The following CACNG2 variants were observed in gnomAD, a reference collection of about 807,000 sequenced individuals.
CACNG2 encodes the protein voltage-dependent calcium channel gamma-2 subunit.
Under a neutral mutation model 25.9 loss-of-function variants are expected in CACNG2, and 3 were observed. The observed-to-expected ratio is 0.12, with a 90% CI of 0.05 to 0.30. The LOEUF is 0.30. CACNG2 is among the 10% of genes least tolerant of loss of function. The pLI, the probability that CACNG2 is intolerant of heterozygous loss-of-function variation, is 1.00. For synonymous variants in CACNG2, 167 were observed against 173.3 expected, an observed-to-expected ratio of 0.96 and a Z score of 0.29; for missense variants, 341 against 432.5, an observed-to-expected ratio of 0.79 and a Z score of 1.88.
In CACNG2 at chr22:36,561,535, C is replaced by T. The variant is rs1186230856; in HGVS notation, c.*2816G>A. ...TTGCTGACCTGGGAAAATAACTTTC[C>T]TTTCCCAGGCAAAAGACAGGAAAGG... On this transcript the variant is annotated 3_prime_UTR_variant, in exon 4 of 4. Coordinates refer to ENST00000300105, the MANE Select transcript of CACNG2 (RefSeq NM_006078.5). 3 of 152,282 alleles carry T rather than the reference C, an allele frequency of 2.0e-5. No individual in the cohort carries two copies. Among genetic ancestry groups the T allele is most frequent in the Non-Finnish European group, 4.4e-5 (3 of 68,088 alleles). The allele number at this position is 152,282 out of a possible 1,614,324, so 9.4% of individuals were successfully genotyped here.
intron 1 of CACNG2, among the ~76,000 whole-genome samples, chr22:36,611,734 C>T (rs141844220): frequency 6.6e-6 from 1 of 152,192 alleles, no homozygotes; most frequent in Non-Finnish European, 1.5e-5. Context: ...GGCTGTTGTT[C>T]TAGCACTGTG....
At chr22:36,631,109 G>A (rs1201448111) in intron 1 of CACNG2, among the ~76,000 whole-genome samples, 1 of 152,148 alleles carries the variant, frequency 6.6e-6, no homozygotes, top group Non-Finnish European at 1.5e-5. Context: ...GATTACAGGC[G>A]TGAGCCACCG....
intron 2 of CACNG2, among the ~76,000 whole-genome samples, chr22:36,569,664 C>T (rs1053273387): frequency 1.3e-5 from 2 of 152,210 alleles, no homozygotes; most frequent in African/African-American, 2.4e-5. Context: ...CTCAGCCTCC[C>T]AAGTAGCTGG....
chr22:36,656,992 T>C (rs1473702659), intron 1 of CACNG2, among the ~76,000 whole-genome samples: 1 of 152,236 alleles, frequency 6.6e-6, no homozygotes, highest in East Asian at 1.9e-4. Context: ...TCAGGACTTT[T>C]GTTTGCTCTG....
At chr22:36,690,725 T>C (rs988031790) in intron 1 of CACNG2, among the ~76,000 whole-genome samples, 6 of 152,212 alleles carry the variant, frequency 3.9e-5, no homozygotes, top group Non-Finnish European at 8.8e-5. Flanking sequence ...AGATGTGAGC[T>C]GACATGAACT....
chr22:36,629,864 A>C (rs1936241368), intron 1 of CACNG2, among the ~76,000 whole-genome samples: 1 of 152,182 alleles, frequency 6.6e-6, no homozygotes, highest in Non-Finnish European at 1.5e-5. Context: ...ATCCACAAAG[A>C]AGAGGCTTTC....
intron 1 of CACNG2, among the ~76,000 whole-genome samples, chr22:36,603,208 C>T (rs1016338126): frequency 1.3e-5 from 2 of 152,238 alleles, no homozygotes; most frequent in Non-Finnish European, 2.9e-5. Context: ...CCAGACACAA[C>T]ATTCCCTTAA....
At chr22:36,602,558 G>A (rs549799719) in intron 1 of CACNG2, among the ~76,000 whole-genome samples, 1 of 151,124 alleles carries the variant, frequency 6.6e-6, no homozygotes, top group South Asian at 2.1e-4. Flanking sequence ...GCTAATTTTT[G>A]TATTTTTAGT....
intron 1 of CACNG2, among the ~76,000 whole-genome samples, chr22:36,679,171 TTCCTTCCTTCCTTCCTTCCTTCCTTC>T (rs1937055752): frequency 8.2e-6 from 1 of 122,670 alleles, no homozygotes; most frequent in African/African-American, 3.3e-5. Context: ...CCTTCCTTCC[TTCCTTCCTTCCTTCCTTCCTTCCTTC>T]CTTTCTTTCT....
At chr22:36,687,687 C>T (rs888419212) in intron 1 of CACNG2, among the ~76,000 whole-genome samples, 1 of 152,130 alleles carries the variant, frequency 6.6e-6, no homozygotes, top group African/African-American at 2.4e-5. Flanking sequence ...TGCTAATCAG[C>T]GGACTGTAAG....
In CACNG2 at chr22:36,702,519, C is replaced by A; in HGVS notation, c.58G>T (p.Ala20Ser). ...ACAGCTATGGTCATCAGGCTGAAGG[C>A]AGCGAAAGCACCAACGGTGGTTAAA... The part of the protein sequence containing the change: ...MLLTTVGAFA[A>S]FSLMTIAVGT... Residue 20 changes from alanine to serine, a missense_variant, in exon 1 of 4, where the codon GCC (alanine) becomes TCC (serine). By Grantham distance (99) the Ala-to-Ser change is moderately conservative. Coordinates refer to ENST00000300105, the MANE Select transcript of CACNG2 (RefSeq NM_006078.5). 2 of 1,614,118 alleles carry A rather than the reference C, an allele frequency of 1.2e-6. No homozygotes were observed. Among genetic ancestry groups the A allele is most frequent in the Non-Finnish European group, 1.7e-6 (2 of 1,179,988 alleles).
At chr22:36,595,203 C>T (rs948384101) in intron 1 of CACNG2, among the ~76,000 whole-genome samples, 1 of 151,910 alleles carries the variant, frequency 6.6e-6, no homozygotes, top group Non-Finnish European at 1.5e-5. Flanking sequence ...CAAGAGCAGT[C>T]AGGATAGTGC....
rs368444596 is a variant in CACNG2 at position 36,683,107 on chromosome 22, C to T, written c.211+19259G>A. Reference sequence around the variant, plus strand: ...CTCTCAGCGCTTCCTTTGCAGCATCCTGTCTTTCTTTCCTGGCATCTCATT... The same window carrying T: ...CTCTCAGCGCTTCCTTTGCAGCATCTTGTCTTTCTTTCCTGGCATCTCATT... On this transcript the variant is annotated intron_variant, in intron 1 of 3. Coordinates refer to ENST00000300105, the MANE Select transcript of CACNG2 (RefSeq NM_006078.5). Among the ~76,000 whole-genome samples the T allele has an allele frequency of 5.8e-4, 88 of 152,336 alleles. 1 individual carries two copies. Among genetic ancestry groups the T allele is most frequent in the African/African-American group, 2.0e-3 (85 of 41,582 alleles).
intron 2 of CACNG2, among the ~76,000 whole-genome samples, chr22:36,570,143 C>T (rs1204797375): frequency 2.0e-5 from 3 of 152,214 alleles, no homozygotes; most frequent in Non-Finnish European, 1.5e-5. Context: ...TGTGGGAACC[C>T]GGATGCCCCA....
At chr22:36,666,540 AT>A (rs1218626662) in intron 1 of CACNG2, among the ~76,000 whole-genome samples, 1 of 152,160 alleles carries the variant, frequency 6.6e-6, no homozygotes, top group African/African-American at 2.4e-5. Flanking sequence ...ATGAGGAGTC[AT>A]TGTTTGCTTG....
chr22:36,655,617 AAATGAGGCTATCAATGGGTGCAG>A, intron 1 of CACNG2, among the ~76,000 whole-genome samples: 1 of 152,314 alleles, frequency 6.6e-6, no homozygotes, highest in South Asian at 2.1e-4. Context: ...CTGAATGAAT[AAATGAGGCTATCAATGGGTGCAG>A]TTCACTTAAG....
chr22:36,639,652 C>T (rs1447768662), intron 1 of CACNG2, among the ~76,000 whole-genome samples: 1 of 152,196 alleles, frequency 6.6e-6, no homozygotes, highest in Non-Finnish European at 1.5e-5. Context: ...TCTGGTTACC[C>T]CTTTCCCCTC....
chr22:36,620,738 G>A (rs1045655362), intron 1 of CACNG2, among the ~76,000 whole-genome samples: 3 of 152,162 alleles, frequency 2.0e-5, no homozygotes, highest in Admixed American at 6.5e-5. Context: ...TGCTGACCAC[G>A]GGGCCTTGCG....
intron 1 of CACNG2, among the ~76,000 whole-genome samples, chr22:36,643,043 T>C (rs1482348162): frequency 7.0e-6 from 1 of 143,840 alleles, no homozygotes; most frequent in Non-Finnish European, 1.5e-5. Flanking sequence ...CTCCCTTTCT[T>C]CCTTCCTTCT....
Sources: gnomAD v4.1 joint callset for allele counts (sites outside exome capture counted in the v4.1 genomes callset) on GRCh38, gnomAD v4.1.1 for gene constraint, MANE v1.5 for transcripts, NCBI Gene and HGNC (gene_info 2026-07-23, HGNC 2026-07-21) for gene names.